Variants in KATNBL1 observed in about 807,000 individuals in gnomAD.
KATNBL1 encodes KATNB1-like protein 1.
A neutral mutation model predicts 44.7 loss-of-function variants in KATNBL1; 28 were observed. The ratio of observed to expected loss-of-function variants is 0.63; its 90% CI spans 0.46 to 0.86. KATNBL1 has a LOEUF of 0.86. KATNBL1 is among the 40% of genes least tolerant of loss of function. The pLI is 0.00. For synonymous variants in KATNBL1, 78 were observed against 114.9 expected (o/e 0.68, Z 2.06); for missense variants, 272 against 350.7 (o/e 0.78, Z 1.79).
At chr15:34,190,028 T>A (rs1822242577) in intron 1 of KATNBL1, among the ~76,000 whole-genome samples, 1 of 151,506 alleles carries the variant, frequency 6.6e-6, no homozygotes, top group Non-Finnish European at 1.5e-5. Flanking sequence ...CACTGCAAGC[T>A]CCGCCTCCCG....
rs202245833 is a variant in KATNBL1 at position 34,163,518 on chromosome 15, G to A, written c.117+42C>T. The A allele has an allele frequency of 2.0e-5, 32 of 1,566,946 alleles. No homozygotes were observed. The Middle Eastern group carries it at 6.9e-4, about 34-fold the overall frequency. The stretch of plus-strand genomic sequence containing the variant: ...ACCAGAGATATCTAGAGACCTAACC[G>A]TTTAAATTGTCTTATCTGTTTTCTA... On this transcript the variant is annotated intron_variant, in intron 2 of 9. Coordinates refer to ENST00000256544, the MANE Select transcript of KATNBL1 (RefSeq NM_024713.3).
chr15:34,181,807 C>CACATATATATGTCCATATATATATCCAT (rs1567532325), intron 1 of KATNBL1, among the ~76,000 whole-genome samples: 1,525 of 65,408 alleles, frequency 0.023, 543 homozygotes, highest in Non-Finnish European at 0.035. Flanking sequence ...CATATATATA[C>CACATATATATGTCCATATATATATCCAT]ATATATACAT....
intron 1 of KATNBL1, among the ~76,000 whole-genome samples, chr15:34,194,924 T>C (rs1889990191): frequency 6.6e-6 from 1 of 152,112 alleles, no homozygotes; most frequent in African/African-American, 2.4e-5. Context: ...CCAATCAGAA[T>C]GGCTATTATT....
Position 34,163,672 on chromosome 15 carries a change from G to A in KATNBL1, c.5C>T (p.Ala2Val), listed in dbSNP as rs574097617. Residue 2 changes from alanine to valine, a missense_variant, in exon 2 of 10, where the codon GCA becomes GTA. By Grantham distance (64) the Ala-to-Val change is moderately conservative. Transcript: ENST00000256544. M[A>V]SETHNVKKRN... is the part of the protein sequence containing the mutation. Reference sequence around the variant, plus strand: ...TTTTTTAACATTGTGGGTTTCTGATGCCATAATCTCTTAAGTACCTAGACA... The same window carrying A: ...TTTTTTAACATTGTGGGTTTCTGATACCATAATCTCTTAAGTACCTAGACA... The A allele has an allele frequency of 6.4e-7, 1 of 1,563,866 alleles. No homozygotes were observed. The highest frequency in any genetic ancestry group is 1.4e-5 in the African/African-American group (1 of 72,388).
At chr15:34,143,542 T>C (rs745417329) in intron 9 of KATNBL1, among the ~76,000 whole-genome samples, 1 of 151,836 alleles carries the variant, frequency 6.6e-6, no homozygotes, top group Non-Finnish European at 1.5e-5. Flanking sequence ...AGTTCTTCTA[T>C]ACAGAATGCA....
Position 34,200,260 on chromosome 15 carries a change from C to CT in KATNBL1, c.-15+9690dup, listed in dbSNP as rs964530272. Among the ~76,000 whole-genome samples the CT allele has an allele frequency of 6.2e-3, 913 of 148,206 alleles. 10 individuals carry two copies. Among genetic ancestry groups the CT allele is most frequent in the African/African-American group, 0.021 (855 of 40,482 alleles). ...TCACACCACTTTCTCTCTCTCTCTT[C>CT]TTTTTTTTTTGAGATGGAGTCTTCC... is the stretch of plus-strand genomic sequence containing the variant. On this transcript the variant is annotated intron_variant, in intron 1 of 9. Transcript: ENST00000256544.
At chr15:34,203,635 A>C (rs1464022460) in intron 1 of KATNBL1, among the ~76,000 whole-genome samples, 2 of 152,222 alleles carry the variant, frequency 1.3e-5, no homozygotes, top group Non-Finnish European at 2.9e-5. Context: ...TGTGAGCTCC[A>C]TGAGAGCAGG....
At chr15:34,188,136 G>GCAAAAAAAAAAAAAAAAAAAAA (rs1394136257) in intron 1 of KATNBL1, among the ~76,000 whole-genome samples, 1 of 6,578 alleles carries the variant, frequency 1.5e-4, no homozygotes, top group Non-Finnish European at 4.4e-4. Context: ...AAGACGCCAT[G>GCAAAAAAAAAAAAAAAAAAAAA]TAAAAAAAAA....
intron 1 of KATNBL1, among the ~76,000 whole-genome samples, chr15:34,195,659 C>T (rs1261916374): frequency 6.7e-6 from 1 of 149,260 alleles, no homozygotes; most frequent in Non-Finnish European, 1.5e-5. Context: ...TGACTGCACT[C>T]CAGCCTGGGC....
At chr15:34,170,115 AG>A (rs1227282417) in intron 1 of KATNBL1, among the ~76,000 whole-genome samples, 2 of 152,204 alleles carry the variant, frequency 1.3e-5, no homozygotes, top group African/African-American at 2.4e-5. Context: ...AAAGAAATAA[AG>A]GGTATTCAAT....
chr15:34,194,690 C>T (rs1889984411), intron 1 of KATNBL1, among the ~76,000 whole-genome samples: 1 of 152,140 alleles, frequency 6.6e-6, no homozygotes, highest in African/African-American at 2.4e-5. Context: ...ACAGTATCTA[C>T]AAACTATATA....
At chr15:34,167,750 C>A (rs1295563620) in intron 1 of KATNBL1, among the ~76,000 whole-genome samples, 1 of 152,162 alleles carries the variant, frequency 6.6e-6, no homozygotes, top group East Asian at 1.9e-4. Context: ...TCGGCAGAAA[C>A]CCTACAAGCC....
chr15:34,157,563 G>T (rs968360358), intron 2 of KATNBL1, among the ~76,000 whole-genome samples: 3 of 152,188 alleles, frequency 2.0e-5, no homozygotes, highest in Non-Finnish European at 4.4e-5. Flanking sequence ...CTGAGAAACT[G>T]ATCTTTTGTT....
intron 2 of KATNBL1, among the ~76,000 whole-genome samples, chr15:34,157,201 A>G (rs1002409395): frequency 2.0e-5 from 3 of 152,212 alleles, no homozygotes; most frequent in Non-Finnish European, 4.4e-5. Flanking sequence ...CTAGCAATAG[A>G]TGGGGAAAAG....
intron 4 of KATNBL1, 149 bp from the exon 5 acceptor site, chr15:34,148,899 C>G: frequency 1.8e-6 from 1 of 547,412 alleles, no homozygotes. Context: ...TGCAGTTGAC[C>G]ACAGTAAACA....
intron 1 of KATNBL1, among the ~76,000 whole-genome samples, chr15:34,174,539 T>C (rs1372058614): frequency 1.3e-5 from 2 of 152,120 alleles, no homozygotes; most frequent in East Asian, 3.8e-4. Flanking sequence ...AAGCCAGAGA[T>C]TGATGGAGTA....
chr15:34,171,802 T>C (rs1467467112), intron 1 of KATNBL1, among the ~76,000 whole-genome samples: 1 of 152,072 alleles, frequency 6.6e-6, no homozygotes, highest in Admixed American at 6.6e-5. Context: ...TGAATGAAGC[T>C]GGAAACGATC....
chr15:34,155,312 A>G (rs568680585), intron 2 of KATNBL1, among the ~76,000 whole-genome samples: 9 of 152,204 alleles, frequency 5.9e-5, no homozygotes, highest in South Asian at 4.1e-4. Flanking sequence ...TGGTTTTCTA[A>G]AAGAAAGAGC....
chr15:34,190,909 A>G (rs1291766904), intron 1 of KATNBL1, among the ~76,000 whole-genome samples: 1 of 152,142 alleles, frequency 6.6e-6, no homozygotes, highest in Non-Finnish European at 1.5e-5. Context: ...AAAAATCCAG[A>G]AAACTTTCTT....
Sources: allele counts gnomAD v4.1 joint callset (sites outside exome capture counted in the v4.1 genomes callset), GRCh38; gene constraint gnomAD v4.1.1; transcripts MANE v1.5; gene names NCBI Gene and HGNC (gene_info 2026-07-23, HGNC 2026-07-21).